Variants in ERC1 observed in about 807,000 individuals in gnomAD.
The protein encoded by ERC1 is ELKS/RAB6-interacting/CAST family member 1.
Under a neutral mutation model 132.0 loss-of-function variants are expected in ERC1, and 56 were observed. The observed-to-expected ratio is 0.42, with a 90% CI of 0.34 to 0.53. ERC1 has a LOEUF of 0.53. Among genes scored for constraint, ERC1 ranks in the 20% least tolerant of loss-of-function variants. The probability of loss-of-function intolerance (pLI) is 0.03; values close to 1 mark genes in which losing one functional copy is unlikely to be tolerated. For missense variants in ERC1, 1,202 were observed against 1,349.9 expected, an observed-to-expected ratio of 0.89 and a Z score of 1.72; for synonymous variants, 478 against 476.1, an observed-to-expected ratio of 1.00 and a Z score of -0.05.
intron 7 of ERC1, among the ~76,000 whole-genome samples, chr12:1,116,733 C>G (rs1472012727): frequency 6.6e-6 from 1 of 152,070 alleles, no homozygotes; most frequent in Non-Finnish European, 1.5e-5. Context: ...TAGGCGCATG[C>G]CACCAAGCCT....
At chr12:1,488,961 T>C (rs1473078380) in intron 18 of ERC1, among the ~76,000 whole-genome samples, 1 of 152,172 alleles carries the variant, frequency 6.6e-6, no homozygotes, top group Non-Finnish European at 1.5e-5. Context: ...TTCCTTCTGC[T>C]CAGTCTGAGA....
At chr12:1,194,011 TTAGAG>T (rs1304864040) in intron 12 of ERC1, among the ~76,000 whole-genome samples, 9 of 152,106 alleles carry the variant, frequency 5.9e-5, no homozygotes, top group African/African-American at 2.2e-4. Flanking sequence ...GTAAATAAAT[TTAGAG>T]TAGCCTCAGG....
chr12:1,363,898 T>G (rs547695795), intron 15 of ERC1, among the ~76,000 whole-genome samples: 4 of 152,278 alleles, frequency 2.6e-5, no homozygotes, highest in African/African-American at 9.6e-5. Flanking sequence ...TTCCCTTGTT[T>G]CAGGAGATAG....
chr12:1,474,920 G>A (rs1445929201), intron 18 of ERC1, among the ~76,000 whole-genome samples: 2 of 152,202 alleles, frequency 1.3e-5, no homozygotes, highest in Non-Finnish European at 2.9e-5. Flanking sequence ...CTTCCAGCCT[G>A]TGTTGCTTTG....
At chr12:1,142,635 CAG>C (rs1231476666) in intron 8 of ERC1, among the ~76,000 whole-genome samples, 4 of 152,310 alleles carry the variant, frequency 2.6e-5, no homozygotes, top group Admixed American at 1.3e-4. Context: ...TACTTGTCTG[CAG>C]AGTGTGTTAA....
chr12:1,323,396 C>T (rs994188855), intron 15 of ERC1, among the ~76,000 whole-genome samples: 2 of 152,140 alleles, frequency 1.3e-5, no homozygotes, highest in African/African-American at 4.8e-5. Flanking sequence ...CTTACATTTA[C>T]ATATTGCAGT....
chr12:995,846 A>T (rs1960725866), intron 1 of ERC1, among the ~76,000 whole-genome samples: 1 of 152,174 alleles, frequency 6.6e-6, no homozygotes, highest in African/African-American at 2.4e-5. Flanking sequence ...AAGGAGAGTG[A>T]TAAGAAATCA....
At chr12:1,431,712 A>G (rs2092802656) in intron 17 of ERC1, among the ~76,000 whole-genome samples, 1 of 152,192 alleles carries the variant, frequency 6.6e-6, no homozygotes, top group Admixed American at 6.5e-5. Context: ...TGATACAAGT[A>G]CTTTTCATTG....
At chr12:1,160,654 T>G (rs1273017359) in intron 8 of ERC1, among the ~76,000 whole-genome samples, 1 of 152,138 alleles carries the variant, frequency 6.6e-6, no homozygotes, top group Non-Finnish European at 1.5e-5. Context: ...GAGGTTGCAG[T>G]TAGCTGAGAT....
intron 16 of ERC1, among the ~76,000 whole-genome samples, chr12:1,395,555 G>A (rs1403883676): frequency 6.6e-6 from 1 of 152,114 alleles, no homozygotes; most frequent in Non-Finnish European, 1.5e-5. Flanking sequence ...AATATACATG[G>A]TAATTGGAAT....
At chr12:1,374,273 C>G (rs951768394) in intron 16 of ERC1, among the ~76,000 whole-genome samples, 1 of 152,152 alleles carries the variant, frequency 6.6e-6, no homozygotes, top group African/African-American at 2.4e-5. Context: ...AGGCTCTTGG[C>G]GTTCACATGT....
intron 18 of ERC1, among the ~76,000 whole-genome samples, chr12:1,447,842 GT>G (rs1351181725): frequency 6.6e-6 from 1 of 152,042 alleles, no homozygotes; most frequent in Non-Finnish European, 1.5e-5. Context: ...TAGAGATGGG[GT>G]TTCACCATGT....
intron 12 of ERC1, among the ~76,000 whole-genome samples, chr12:1,233,620 A>G (rs952236044): frequency 6.6e-6 from 1 of 152,166 alleles, no homozygotes; most frequent in African/African-American, 2.4e-5. Flanking sequence ...TAAAGCTAAT[A>G]TTCAGTATCA....
intron 15 of ERC1, among the ~76,000 whole-genome samples, chr12:1,300,947 G>C (rs1281656792): frequency 6.6e-6 from 1 of 152,042 alleles, no homozygotes; most frequent in Non-Finnish European, 1.5e-5. Flanking sequence ...CCATCACTAG[G>C]TATGTACCCA....
intron 12 of ERC1, among the ~76,000 whole-genome samples, chr12:1,219,678 C>G (rs1566287207): frequency 6.8e-6 from 1 of 146,138 alleles, no homozygotes; most frequent in Admixed American, 6.9e-5. Context: ...CACTGTTACC[C>G]GGGCTAGAGT....
intron 16 of ERC1, among the ~76,000 whole-genome samples, chr12:1,373,345 G>C (rs1373246517): frequency 6.6e-6 from 1 of 152,186 alleles, no homozygotes; most frequent in Non-Finnish European, 1.5e-5. Flanking sequence ...TGAATACATA[G>C]GCCTATGATT....
At chr12:1,142,631 T>G (rs1245927182) in intron 8 of ERC1, among the ~76,000 whole-genome samples, 1 of 152,230 alleles carries the variant, frequency 6.6e-6, no homozygotes, top group African/African-American at 2.4e-5. Context: ...CACATACTTG[T>G]CTGCAGAGTG....
chr12:1,148,378 G>C (rs746852329), intron 8 of ERC1, among the ~76,000 whole-genome samples: 3 of 151,520 alleles, frequency 2.0e-5, no homozygotes, highest in Non-Finnish European at 4.4e-5. Context: ...GAGAGAGACA[G>C]ACACACACAC....
chr12:1,444,739 A>C lies in ERC1; in HGVS notation c.3202A>C (p.Thr1068Pro). Residue 1068 changes from threonine (T) to proline (P), a missense_variant, in exon 18 of 19, where the codon ACC (threonine) becomes CCC (proline). Thr to Pro is a conservative substitution (Grantham distance 38). Transcript: ENST00000360905. ...AAWENELQKM[T>P]RGQLQDELEK... is the part of the protein sequence containing the mutation. ...TTGGGAGAATGAGCTGCAGAAGATGACCCGGGGGCAGGTGAGCCTCTCACT... is the reference window on the plus strand; with the variant it reads ...TTGGGAGAATGAGCTGCAGAAGATGCCCCGGGGGCAGGTGAGCCTCTCACT... The C allele has an allele frequency of 6.2e-7, 1 of 1,613,480 alleles. No individual in the cohort carries two copies. The highest frequency in any genetic ancestry group is 2.2e-5 in the East Asian group (1 of 44,860).
Sources: allele counts gnomAD v4.1 joint callset (sites outside exome capture counted in the v4.1 genomes callset), GRCh38; gene constraint gnomAD v4.1.1; transcripts MANE v1.5; gene names NCBI Gene and HGNC (gene_info 2026-07-23, HGNC 2026-07-21).